CSPP1: variants seen among roughly 807,000 people sequenced by gnomAD.
The protein encoded by CSPP1 is centrosome and spindle pole-associated protein 1.
A neutral mutation model predicts 164.4 loss-of-function variants in CSPP1; 126 were observed. The ratio of observed to expected loss-of-function variants is 0.77; its 90% CI spans 0.66 to 0.89. CSPP1 has a LOEUF of 0.89. CSPP1 is among the 40% of genes least tolerant of loss of function. The pLI is 0.00. For synonymous variants in CSPP1, 472 were observed against 476.7 expected, an observed-to-expected ratio of 0.99 and a Z score of 0.13; for missense variants, 1,395 against 1,449.8, an observed-to-expected ratio of 0.96 and a Z score of 0.61.
At chr8:67,159,944 TCCTTCCTTCC>T (rs1827763729) in intron 21 of CSPP1, among the ~76,000 whole-genome samples, 1 of 73,230 alleles carries the variant, frequency 1.4e-5, no homozygotes, top group East Asian at 3.1e-4. Context: ...CTTCCTTCCT[TCCTTCCTTCC>T]TTCTTTCTTT....
intron 1 of CSPP1, among the ~76,000 whole-genome samples, chr8:67,072,869 CAAAA>C (rs58087584): frequency 3.5e-4 from 21 of 59,280 alleles, no homozygotes; most frequent in Admixed American, 5.2e-4. Context: ...GAGCCTGTCT[CAAAA>C]AAAAAAAAAA....
intron 1 of CSPP1, among the ~76,000 whole-genome samples, chr8:67,069,785 C>T (rs746352648): frequency 4.6e-5 from 7 of 151,550 alleles, no homozygotes; most frequent in African/African-American, 1.2e-4. Flanking sequence ...CAGTGTCCCC[C>T]GGTAGTTGGG....
chr8:67,153,862 A>C (rs546335953), intron 18 of CSPP1, among the ~76,000 whole-genome samples, 162 bp from the exon 19 acceptor site: 1 of 148,268 alleles, frequency 6.7e-6, no homozygotes, highest in African/African-American at 2.5e-5. Flanking sequence ...ACTACTGTTC[A>C]TCTGATCTTC....
chr8:67,137,317 A>AG (rs1158403339), intron 16 of CSPP1, 139 bp from the exon 17 acceptor site: 1 of 541,030 alleles, frequency 1.8e-6, no homozygotes, highest in South Asian at 3.7e-5. Flanking sequence ...TAACCTTTGT[A>AG]GGGGGGTACA....
At chr8:67,155,778 A>G (rs1035678648) in intron 19 of CSPP1, among the ~76,000 whole-genome samples, 1 of 152,160 alleles carries the variant, frequency 6.6e-6, no homozygotes, top group African/African-American at 2.4e-5. Context: ...CAGAGTGAAA[A>G]AAGGATGATT....
chr8:67,081,446 A>G (rs1178044106), intron 3 of CSPP1, among the ~76,000 whole-genome samples: 5 of 152,194 alleles, frequency 3.3e-5, no homozygotes, highest in African/African-American at 1.2e-4. Context: ...TAATGAAAAA[A>G]TGTCTTTAAT....
At chr8:67,116,502 C>G (rs1289113603) in intron 13 of CSPP1, among the ~76,000 whole-genome samples, 1 of 152,100 alleles carries the variant, frequency 6.6e-6, no homozygotes, top group African/African-American at 2.4e-5. Flanking sequence ...GAAAAAGTTT[C>G]TAATGTGGCT....
At chr8:67,162,468 C>G (rs1828551077) in intron 22 of CSPP1, among the ~76,000 whole-genome samples, 1 of 152,022 alleles carries the variant, frequency 6.6e-6, no homozygotes, top group Non-Finnish European at 1.5e-5. Context: ...CTGGTAGATT[C>G]CAGACAGGCT....
intron 1 of CSPP1, among the ~76,000 whole-genome samples, chr8:67,065,795 C>T (rs1025128016): frequency 6.6e-6 from 1 of 152,156 alleles, no homozygotes; most frequent in South Asian, 2.1e-4. Context: ...TCCCAAAGTG[C>T]TGGAATTACG....
intron 24 of CSPP1, among the ~76,000 whole-genome samples, chr8:67,171,322 A>T (rs1830425481): frequency 6.6e-6 from 1 of 150,862 alleles, no homozygotes. Context: ...AATTGCTTAA[A>T]CCCGGGAGGA....
chr8:67,114,820 C>T (rs1817598195), intron 12 of CSPP1: 1 of 152,014 alleles, frequency 6.6e-6, no homozygotes, highest in Non-Finnish European at 1.5e-5. Flanking sequence ...TGTGACAGAC[C>T]TTATTTATCT....
In CSPP1 at chr8:67,074,298, T is replaced by C. The variant is rs150924296; in HGVS notation, c.46T>C (p.Leu16=). Residue 16 remains leucine, a synonymous_variant, in exon 2 of 31, where the codon TTG becomes CTG. Transcript: ENST00000678616. ...DEFIEEQKAR[L]AEDKAELESD... ...ATTTATTGAAGAGCAAAAAGCCAGA[T>C]TGGCCGAAGACAAAGCAGAGTTGGA... is the stretch of plus-strand genomic sequence containing the variant. The C allele has an allele frequency of 3.4e-4, 542 of 1,611,816 alleles. 2 individuals carry two copies. In the East Asian group the frequency reaches 8.9e-3, roughly 26 times the overall value.
intron 3 of CSPP1, among the ~76,000 whole-genome samples, chr8:67,080,184 A>G (rs1021028866): frequency 6.6e-6 from 1 of 152,230 alleles, no homozygotes; most frequent in African/African-American, 2.4e-5. Context: ...TCATTTAGGA[A>G]TTATAAAAAA....
At chr8:67,180,229 T>C (rs1353937008) in intron 28 of CSPP1, among the ~76,000 whole-genome samples, 1 of 152,172 alleles carries the variant, frequency 6.6e-6, no homozygotes, top group East Asian at 1.9e-4. Flanking sequence ...TTAAAAAAAC[T>C]CTGGTACATC....
intron 3 of CSPP1, among the ~76,000 whole-genome samples, chr8:67,083,197 A>G (rs185793763): frequency 6.6e-6 from 1 of 152,300 alleles, no homozygotes; most frequent in East Asian, 1.9e-4. Flanking sequence ...ATTTGAATTA[A>G]TAGTGAAAAA....
In CSPP1 at chr8:67,193,577, A is replaced by T; in HGVS notation, c.3444A>T (p.Glu1148Asp). The change falls in exon 30 of 31, where the codon GAA (glutamate) becomes GAT (aspartate). Residue 1148 changes from glutamate to aspartate, a missense_variant. Transcript: ENST00000678616. ...RNEERMRRLN[E>D]FHNKPINTDD... Reference sequence around the variant, plus strand: ...AGGAACGAATGCGAAGACTGAATGAATTTCACAATAAACCTATTAATACAG... The same window carrying T: ...AGGAACGAATGCGAAGACTGAATGATTTTCACAATAAACCTATTAATACAG... 1.9e-6 allele frequency: 3 copies of T among 1,613,738 alleles called. No individual in the cohort carries two copies. The highest frequency in any genetic ancestry group is 2.5e-6 in the Non-Finnish European group (3 of 1,179,698).
intron 7 of CSPP1, among the ~76,000 whole-genome samples, chr8:67,096,565 CAA>C (rs531704184): frequency 1.1e-4 from 13 of 116,922 alleles, no homozygotes; most frequent in Admixed American, 1.7e-4. Flanking sequence ...ACTCTGTCTC[CAA>C]AAAAAAAAAA....
intron 17 of CSPP1, among the ~76,000 whole-genome samples, chr8:67,138,291 T>C (rs574811840): frequency 2.0e-5 from 3 of 152,318 alleles, no homozygotes; most frequent in Non-Finnish European, 2.9e-5. Context: ...GTTCCTGATA[T>C]AAAATTGGTA....
chr8:67,064,792 C>G (rs1265571412), intron 1 of CSPP1: 6 of 238,134 alleles, frequency 2.5e-5, no homozygotes, highest in African/African-American at 1.3e-4. Flanking sequence ...ATTTCGCCGC[C>G]GTGAGGCCGG....
Sources: allele counts gnomAD v4.1 joint callset (sites outside exome capture counted in the v4.1 genomes callset), GRCh38; gene constraint gnomAD v4.1.1; transcripts MANE v1.5; gene names NCBI Gene and HGNC (gene_info 2026-07-23, HGNC 2026-07-21).